Variants in PCDHGB4 observed in about 807,000 individuals in gnomAD.
PCDHGB4 encodes protocadherin gamma-B4.
Under a neutral mutation model 60.5 loss-of-function variants are expected in PCDHGB4, and 38 were observed. That is an observed-to-expected ratio of 0.63 (90% CI 0.48 to 0.82). PCDHGB4 has a LOEUF of 0.82. PCDHGB4 is among the 40% of genes least tolerant of loss of function. PCDHGB4 has a pLI of 0.00. For missense variants in PCDHGB4, 1,109 were observed against 1,209.6 expected (o/e 0.92, Z 1.23); for synonymous variants, 456 against 509.7 (o/e 0.89, Z 1.42).
chr5:141,415,740 G>GTTTTTTTTTTTTTTTTTTTTTTT (rs57426385), intron 1 of PCDHGB4: 14 of 625,046 alleles, frequency 2.2e-5, no homozygotes, highest in East Asian at 1.4e-4. Flanking sequence ...GTTTATTAAG[G>GTTTTTTTTTTTTTTTTTTTTTTT]TTTTTTTTTT....
chr5:141,438,700 AC>A (rs2098052453), intron 1 of PCDHGB4, among the ~76,000 whole-genome samples: 1 of 144,406 alleles, frequency 6.9e-6, no homozygotes, highest in Non-Finnish European at 1.5e-5. Context: ...TTGCTCTGTC[AC>A]CCAGGCTGGA....
chr5:141,414,412 G>A, intron 1 of PCDHGB4: 1 of 1,613,832 alleles, frequency 6.2e-7, no homozygotes, highest in South Asian at 1.1e-5. Flanking sequence ...GATACACAGA[G>A]CCCTTGACAG....
At position 141,387,967 on chromosome 5, in the gene PCDHGB4, C is replaced by G; in HGVS notation, c.83C>G (p.Ala28Gly). Residue 28 changes from alanine to glycine, a missense_variant, in exon 1 of 4, where the codon GCG becomes GGG. Physicochemically the swap from Ala to Gly is moderately conservative, Grantham distance 60 (BLOSUM62 0). This residue lies in a region of PCDHGB4 where 41 missense variants were observed against 119.7 expected (regional missense o/e 0.34). Coordinates refer to ENST00000519479, the MANE Select transcript of PCDHGB4 (RefSeq NM_003736.4). ...TTCCTGCTGTCTTTGTTCTGCCCGG[C>G]GCTCTGTGAGCAGATCCGCTACAGG... ...FLFLLSLFCP[A>G]LCEQIRYRIP... 1 of 1,489,226 alleles carries G rather than the reference C, an allele frequency of 6.7e-7. No individual in the cohort carries two copies. Among genetic ancestry groups the G allele is most frequent in the Non-Finnish European group, 9.0e-7 (1 of 1,109,314 alleles). 92.3% of individuals were successfully genotyped at this position (1,489,226 alleles called of 1,614,324 possible). A position where few individuals can be genotyped will look rare whatever the true frequency, so the allele number is the denominator to read the frequency against.
At chr5:141,428,493 T>G in intron 1 of PCDHGB4, 1 of 307,146 alleles carries the variant, frequency 3.3e-6, no homozygotes, top group Non-Finnish European at 6.3e-6. Context: ...GCAATCTGTA[T>G]GTTCCCTCGG....
chr5:141,397,223 T>G (rs144227558), intron 1 of PCDHGB4, among the ~76,000 whole-genome samples: 2 of 152,186 alleles, frequency 1.3e-5, no homozygotes, highest in Admixed American at 6.5e-5. Context: ...TATTTTGAGA[T>G]ATGAAGAAGA....
rs1561858566 is a variant in PCDHGB4 at position 141,432,177 on chromosome 5, C to G, written c.2397+41896C>G. ...AATCCCAGAGGAGTTTCCCTCGTCTCTGTGACCGCCCACGACCCCGACTGT... is the reference window on the plus strand; with the variant it reads ...AATCCCAGAGGAGTTTCCCTCGTCTGTGTGACCGCCCACGACCCCGACTGT... On this transcript the variant is annotated intron_variant, in intron 1 of 3. Transcript: ENST00000519479. This position sits in a 1 kb window ranked among gnomAD's most constrained non-coding sequence, Gnocchi z 6.0. The G allele has an allele frequency of 6.2e-7, 1 of 1,614,220 alleles. No homozygotes were observed. Among genetic ancestry groups the G allele is most frequent in the Admixed American group, 1.7e-5 (1 of 60,032 alleles).
rs748457785 is a variant in PCDHGB4 at position 141,489,197 on chromosome 5, A to G, written c.2398-5610A>G. On this transcript the variant is annotated intron_variant, in intron 1 of 3. Coordinates refer to ENST00000519479, the MANE Select transcript of PCDHGB4 (RefSeq NM_003736.4). This position sits in a 1 kb window ranked among gnomAD's most constrained non-coding sequence, Gnocchi z 4.5. ...TCCAAGCCCTGGGTCTACCTTGGAG[A>G]CAGGACAGCACAGACTTACTCTCCA... 7 of 1,391,050 alleles carry G rather than the reference A, an allele frequency of 5.0e-6. No individual in the cohort carries two copies. Among genetic ancestry groups the G allele is most frequent in the African/African-American group, 2.9e-5 (2 of 69,150 alleles). 86.2% of individuals were successfully genotyped at this position (1,391,050 alleles called of 1,614,324 possible).
At chr5:141,390,533 A>G (rs1589127549) in intron 1 of PCDHGB4, 1 of 529,950 alleles carries the variant, frequency 1.9e-6, no homozygotes. Context: ...GTGTGGTTTT[A>G]ACCACAAAGT....
At chr5:141,413,827 G>A (rs2154544774) in intron 1 of PCDHGB4, 1 of 1,613,200 alleles carries the variant, frequency 6.2e-7, no homozygotes. Context: ...GGTCCTCACC[G>A]CCTCCGACGG....
At chr5:141,446,020 T>C (rs1226676321) in intron 1 of PCDHGB4, among the ~76,000 whole-genome samples, 1 of 152,180 alleles carries the variant, frequency 6.6e-6, no homozygotes, top group African/African-American at 2.4e-5. Context: ...ACTATGGCAA[T>C]ATTCCTGGTA....
At chr5:141,505,143 CAG>C (rs1332770308) in intron 2 of PCDHGB4, among the ~76,000 whole-genome samples, 1 of 152,172 alleles carries the variant, frequency 6.6e-6, no homozygotes, top group Non-Finnish European at 1.5e-5. Context: ...GCCTGGATGA[CAG>C]AGTAAGACCC....
chr5:141,413,541 G>A, intron 1 of PCDHGB4: 1 of 1,613,904 alleles, frequency 6.2e-7, no homozygotes, highest in Non-Finnish European at 8.5e-7. Flanking sequence ...AACTTTTTGG[G>A]ATAGAAATAG....
intron 1 of PCDHGB4, among the ~76,000 whole-genome samples, chr5:141,438,593 T>C (rs982159150): frequency 4.1e-5 from 3 of 73,984 alleles, no homozygotes; most frequent in Non-Finnish European, 5.5e-5. Flanking sequence ...CATACATACA[T>C]ATATATATAT....
intron 1 of PCDHGB4, chr5:141,411,852 C>G (rs992038456): frequency 1.3e-5 from 2 of 151,222 alleles, no homozygotes; most frequent in East Asian, 1.9e-4. Context: ...AGAGTGAGAC[C>G]CTGTCTCAAA....
At chr5:141,469,552 C>T (rs956606902) in intron 1 of PCDHGB4, among the ~76,000 whole-genome samples, 3 of 151,910 alleles carry the variant, frequency 2.0e-5, no homozygotes, top group Non-Finnish European at 4.4e-5. Flanking sequence ...TCCAGCCTGG[C>T]GACAGAGTGA....
chr5:141,433,367 C>CTATA, intron 1 of PCDHGB4: 2 of 549,818 alleles, frequency 3.6e-6, no homozygotes, highest in South Asian at 4.5e-5. Flanking sequence ...GCCTATCTAT[C>CTATA]TATCTATCTA....
intron 2 of PCDHGB4, among the ~76,000 whole-genome samples, chr5:141,500,184 T>TTTTTTTTA (rs1554186429): frequency 7.8e-4 from 106 of 135,966 alleles, no homozygotes; most frequent in African/African-American, 2.4e-3. Context: ...TCATTTTTAT[T>TTTTTTTTA]TTTATTTATT....
chr5:141,468,677 T>A (rs545029270), intron 1 of PCDHGB4: 1 of 150,902 alleles, frequency 6.6e-6, no homozygotes, highest in African/African-American at 2.4e-5. Flanking sequence ...CCATCCTGGC[T>A]AACACGGTGA....
chr5:141,438,599 T>C (rs1320902737), intron 1 of PCDHGB4, among the ~76,000 whole-genome samples: 17 of 32,510 alleles, frequency 5.2e-4, no homozygotes, highest in African/African-American at 6.7e-4. Flanking sequence ...TACATATATA[T>C]ATATATATAT....
Sources: allele counts gnomAD v4.1 joint callset (sites outside exome capture counted in the v4.1 genomes callset), GRCh38; gene constraint gnomAD v4.1.1; regional missense constraint gnomAD v4.1.1; non-coding constraint Gnocchi (gnomAD v3.1); transcripts MANE v1.5; gene names NCBI Gene and HGNC (gene_info 2026-07-23, HGNC 2026-07-21).